Variants in FGF14 observed in about 807,000 individuals in gnomAD.
FGF14 encodes the protein fibroblast growth factor 14, also known as fibroblast growth factor homologous factor 4.
FGF14 carries 5 observed loss-of-function variants against 25.5 expected under a neutral mutation model. The ratio of observed to expected loss-of-function variants is 0.20; its 90% CI spans 0.10 to 0.41. The LOEUF (loss-of-function observed/expected upper bound fraction) is 0.41. FGF14 is among the 10% of genes least tolerant of loss of function. The pLI, the probability that FGF14 is intolerant of heterozygous loss-of-function variation, is 1.00. For synonymous variants in FGF14, 138 were observed against 118.3 expected (o/e 1.17, Z -1.08); for missense variants, 222 against 320.1 (o/e 0.69, Z 2.34).
At chr13:101,855,178 A>T (rs2044060646) in intron 3 of FGF14, among the ~76,000 whole-genome samples, 1 of 152,044 alleles carries the variant, frequency 6.6e-6, no homozygotes. Context: ...TTGACGTGAC[A>T]TTAATGATAA....
intron 1 of FGF14, among the ~76,000 whole-genome samples, chr13:102,286,853 C>G (rs7994798): frequency 0.27 from 41,679 of 152,016 alleles, 6,052 homozygotes; most frequent in Admixed American, 0.39. Context: ...GGATTCATTT[C>G]TAAAGAAGGC....
At chr13:102,082,789 C>T (rs1595209191) in intron 1 of FGF14, among the ~76,000 whole-genome samples, 1 of 125,562 alleles carries the variant, frequency 8.0e-6, no homozygotes, top group East Asian at 2.5e-4. Flanking sequence ...CCCGTCTCTA[C>T]TAAAAATACA....
rs1205126890 is a variant in FGF14, at chr13:102,315,888, T to TA, written c.208+85582dup. Among the ~76,000 whole-genome samples the TA allele has an allele frequency of 5.6e-4, 86 of 152,266 alleles. 1 individual carries two copies. Among genetic ancestry groups the TA allele is most frequent in the South Asian group, 5.6e-3 (27 of 4,820 alleles). On this transcript the variant is annotated intron_variant, in intron 1 of 4. Transcript: ENST00000376131. Reference sequence around the variant, plus strand: ...CTTTTTACAATATCCCAAGATATTTTAAAAAAAACCTGTTGTATATTACAT... The same window carrying TA: ...CTTTTTACAATATCCCAAGATATTTTAAAAAAAAACCTGTTGTATATTACAT...
chr13:101,747,190 C>T (rs1420478876), intron 3 of FGF14, among the ~76,000 whole-genome samples: 1 of 151,910 alleles, frequency 6.6e-6, no homozygotes, highest in African/African-American at 2.4e-5. Context: ...CTGGTAAAGG[C>T]AATTTAGCGA....
At chr13:102,177,086 G>A (rs1199934365) in intron 1 of FGF14, among the ~76,000 whole-genome samples, 1 of 152,160 alleles carries the variant, frequency 6.6e-6, no homozygotes, top group Non-Finnish European at 1.5e-5. Flanking sequence ...AGTGAAGCAT[G>A]CTCAAGTGCT....
intron 1 of FGF14, among the ~76,000 whole-genome samples, chr13:102,175,536 T>A (rs2048411918): frequency 6.6e-6 from 1 of 152,022 alleles, no homozygotes; most frequent in South Asian, 2.1e-4. Flanking sequence ...TAGGACTATA[T>A]CCTCAAAAGC....
At chr13:102,150,469 C>T (rs2047035977) in intron 1 of FGF14, among the ~76,000 whole-genome samples, 1 of 152,070 alleles carries the variant, frequency 6.6e-6, no homozygotes, top group Non-Finnish European at 1.5e-5. Flanking sequence ...TCTTCATGTG[C>T]CCACCATTCT....
chr13:102,113,902 G>A (rs2045344962), intron 1 of FGF14, among the ~76,000 whole-genome samples: 1 of 152,186 alleles, frequency 6.6e-6, no homozygotes, highest in Non-Finnish European at 1.5e-5. Flanking sequence ...CCAAGAAACA[G>A]AAATTCAAGA....
chr13:101,738,992 ATGTG>A (rs921632908), intron 3 of FGF14, among the ~76,000 whole-genome samples: 1 of 146,704 alleles, frequency 6.8e-6, no homozygotes, highest in African/African-American at 2.5e-5. Context: ...GTGTGTTTAT[ATGTG>A]TGTGTGTGTA....
At chr13:102,172,379 CA>C (rs2048286412) in intron 1 of FGF14, among the ~76,000 whole-genome samples, 3 of 152,012 alleles carry the variant, frequency 2.0e-5, no homozygotes, top group Admixed American at 6.6e-5. Flanking sequence ...AGGTTGGGGA[CA>C]AGACCAAAAA....
chr13:102,094,212 G>A (rs1595251127), intron 1 of FGF14, among the ~76,000 whole-genome samples: 2 of 151,892 alleles, frequency 1.3e-5, no homozygotes, highest in Non-Finnish European at 2.9e-5. Context: ...ATTGCTATAA[G>A]AAAGGCATAT....
upstream of FGF14, among the ~76,000 whole-genome samples, chr13:101,920,734 A>G (rs1437408060): frequency 6.6e-6 from 1 of 152,222 alleles, no homozygotes; most frequent in African/African-American, 2.4e-5. Flanking sequence ...AAACATAAGA[A>G]GTTATTTTAA....
intron 1 of FGF14, among the ~76,000 whole-genome samples, chr13:101,949,219 A>T (rs528183186): frequency 6.6e-6 from 1 of 152,176 alleles, no homozygotes; most frequent in South Asian, 2.1e-4. Flanking sequence ...ATCTGACCAA[A>T]ATCGAAAAGG....
At chr13:102,228,108 T>C (rs2050910642) in intron 1 of FGF14, among the ~76,000 whole-genome samples, 2 of 152,206 alleles carry the variant, frequency 1.3e-5, no homozygotes, top group Non-Finnish European at 2.9e-5. Flanking sequence ...AACGGAAACA[T>C]GCTCTTTTGA....
rs761762095 is a variant in FGF14, at chr13:101,966,856, C to T, written c.209-91560G>A. Reference sequence around the variant, plus strand: ...CTAGAAATACAGAAGACAGAAGGATCGTGAGACAGTTCGTTATTGTTTGGC... The same window carrying T: ...CTAGAAATACAGAAGACAGAAGGATTGTGAGACAGTTCGTTATTGTTTGGC... On this transcript the variant is annotated intron_variant, in intron 1 of 4. Coordinates refer to the FGF14 transcript ENST00000376131. 5.3e-5 allele frequency among the ~76,000 whole-genome samples: 8 copies of T among 152,088 alleles called. No individual in the cohort carries two copies. The East Asian group carries it at 7.7e-4, about 15-fold the overall frequency.
chr13:101,803,027 G>A (rs1225410225), intron 3 of FGF14, among the ~76,000 whole-genome samples: 1 of 152,048 alleles, frequency 6.6e-6, no homozygotes, highest in Non-Finnish European at 1.5e-5. Context: ...TCTGTATATA[G>A]TCAGATAGCA....
chr13:102,082,255 G>C (rs865812094), intron 1 of FGF14, among the ~76,000 whole-genome samples: 2 of 146,274 alleles, frequency 1.4e-5, no homozygotes, highest in South Asian at 2.1e-4. Context: ...AAAAAAAACA[G>C]TGTACTTCAG....
chr13:101,977,757 T>G (rs567252622), intron 1 of FGF14, among the ~76,000 whole-genome samples: 1 of 152,250 alleles, frequency 6.6e-6, no homozygotes, highest in Non-Finnish European at 1.5e-5. Context: ...TGTTCCCTGG[T>G]ATCATCTTAG....
At chr13:101,742,054 A>G (rs1175548560) in intron 3 of FGF14, among the ~76,000 whole-genome samples, 2 of 152,056 alleles carry the variant, frequency 1.3e-5, no homozygotes, top group African/African-American at 4.8e-5. Flanking sequence ...CCTAACCCCC[A>G]TCAGGCCCCA....
Sources: allele counts gnomAD v4.1 joint callset (sites outside exome capture counted in the v4.1 genomes callset), GRCh38; gene constraint gnomAD v4.1.1; transcripts MANE v1.5; gene names NCBI Gene and HGNC (gene_info 2026-07-23, HGNC 2026-07-21).